Variants in CDH12 observed in about 807,000 individuals in gnomAD.
CDH12 encodes cadherin 12, also known as cadherin-12.
CDH12 carries 41 observed loss-of-function variants against 74.1 expected under a neutral mutation model. That is an observed-to-expected ratio of 0.55 (90% CI 0.43 to 0.72). The LOEUF is 0.72. CDH12 is among the 30% of genes least tolerant of loss of function. The pLI, the probability that CDH12 is intolerant of heterozygous loss-of-function variation, is 0.00. For missense variants in CDH12, 945 were observed against 977.2 expected, an observed-to-expected ratio of 0.97 and a Z score of 0.44; for synonymous variants, 399 against 355.0, an observed-to-expected ratio of 1.12 and a Z score of -1.39.
chr5:22,774,602 C>T (rs1022983712), intron 1 of CDH12, among the ~76,000 whole-genome samples: 1 of 152,062 alleles, frequency 6.6e-6, no homozygotes, highest in Non-Finnish European at 1.5e-5. Flanking sequence ...AAGAGGAGTT[C>T]CCCTGAACAA....
At chr5:21,761,614 A>G (rs1240362045) in intron 12 of CDH12, among the ~76,000 whole-genome samples, 1 of 152,138 alleles carries the variant, frequency 6.6e-6, no homozygotes, top group African/African-American at 2.4e-5. Context: ...TCTTACACTG[A>G]TGCTATTAAA....
chr5:21,851,738 A>G, intron 7 of CDH12, among the ~76,000 whole-genome samples: 1 of 151,486 alleles, frequency 6.6e-6, no homozygotes, highest in South Asian at 2.1e-4. Context: ...ATGAGTTTAT[A>G]CTGTTTAGAA....
At chr5:22,088,074 A>C (rs1333767505) in intron 4 of CDH12, among the ~76,000 whole-genome samples, 1 of 152,204 alleles carries the variant, frequency 6.6e-6, no homozygotes, top group Non-Finnish European at 1.5e-5. Flanking sequence ...TGATAGGTGC[A>C]TTCTGAGAGT....
intron 3 of CDH12, among the ~76,000 whole-genome samples, chr5:22,214,596 G>A (rs1023257393): frequency 7.2e-5 from 11 of 152,132 alleles, no homozygotes; most frequent in Non-Finnish European, 1.3e-4. Flanking sequence ...AAAGCACTCC[G>A]TTTCTCGTAT....
At chr5:21,828,908 C>CTTTTTTTTTTT (rs70957070) in intron 8 of CDH12, among the ~76,000 whole-genome samples, 1 of 119,278 alleles carries the variant, frequency 8.4e-6, no homozygotes, top group African/African-American at 3.4e-5. Flanking sequence ...AATCCTATGT[C>CTTTTTTTTTTT]TTTTTTTTTT....
At chr5:21,768,229 A>G (rs942260299) in intron 11 of CDH12, among the ~76,000 whole-genome samples, 1 of 151,804 alleles carries the variant, frequency 6.6e-6, no homozygotes, top group Non-Finnish European at 1.5e-5. Context: ...TATATTTAAT[A>G]GCTAGTTACT....
At chr5:22,435,799 C>T (rs189857672) in intron 2 of CDH12, among the ~76,000 whole-genome samples, 1 of 152,070 alleles carries the variant, frequency 6.6e-6, no homozygotes, top group African/African-American at 2.4e-5. Flanking sequence ...TCACCTGGCA[C>T]CTCCCAGATC....
rs149507199 is a variant in CDH12 at position 22,096,666 on chromosome 5, G to C, written c.-186-17804C>G. Among the ~76,000 whole-genome samples, 982 of 152,148 alleles carry C rather than the reference G, an allele frequency of 6.5e-3. 13 individuals are homozygous for C. Among genetic ancestry groups the C allele is most frequent in the African/African-American group, 0.023 (950 of 41,498 alleles). On this transcript the variant is annotated intron_variant, in intron 4 of 14. Coordinates refer to ENST00000382254, the MANE Select transcript of CDH12 (RefSeq NM_004061.5). ...AAAGGTGGCTGGAGCTAAAGGCATA[G>C]TTAAGTTTAATGCTCCTTTTTCTTT...
intron 5 of CDH12, among the ~76,000 whole-genome samples, chr5:22,040,498 A>C (rs978310523): frequency 7.9e-5 from 12 of 152,288 alleles, no homozygotes; most frequent in Middle Eastern, 3.4e-3. Context: ...CTTCACTGAG[A>C]CATATTGTAA....
At chr5:22,406,030 A>G (rs1161075596) in intron 2 of CDH12, among the ~76,000 whole-genome samples, 3 of 152,140 alleles carry the variant, frequency 2.0e-5, no homozygotes, top group African/African-American at 7.2e-5. Flanking sequence ...TACGGATGCA[A>G]TTTTTTAAAG....
chr5:21,759,340 CT>C (rs1184338525), intron 13 of CDH12, among the ~76,000 whole-genome samples: 1 of 151,276 alleles, frequency 6.6e-6, no homozygotes, highest in Non-Finnish European at 1.5e-5. Context: ...GAGTTTCATT[CT>C]TTCCTTCCTC....
At chr5:22,333,103 TG>T (rs2150447058) in intron 3 of CDH12, among the ~76,000 whole-genome samples, 1 of 152,226 alleles carries the variant, frequency 6.6e-6, no homozygotes, top group East Asian at 1.9e-4. Flanking sequence ...AAAGAAAATG[TG>T]GTACACATAC....
chr5:22,446,366 C>A (rs899038330), intron 2 of CDH12, among the ~76,000 whole-genome samples: 4 of 152,040 alleles, frequency 2.6e-5, no homozygotes, highest in Non-Finnish European at 5.9e-5. Flanking sequence ...AGTATTTAAC[C>A]AATACACATG....
intron 1 of CDH12, among the ~76,000 whole-genome samples, chr5:22,650,834 T>A (rs1739696304): frequency 6.6e-6 from 1 of 151,768 alleles, no homozygotes; most frequent in Admixed American, 6.6e-5. Context: ...TGCAAGTGGG[T>A]TTACAAGCAG....
intron 10 of CDH12, among the ~76,000 whole-genome samples, chr5:21,793,321 GT>G (rs1280224453): frequency 6.6e-6 from 1 of 151,522 alleles, no homozygotes; most frequent in East Asian, 1.9e-4. Flanking sequence ...TATACAGGGA[GT>G]TTTTTTCAAG....
chr5:22,123,385 G>T (rs1484952276), intron 4 of CDH12, among the ~76,000 whole-genome samples: 1 of 152,154 alleles, frequency 6.6e-6, no homozygotes, highest in Non-Finnish European at 1.5e-5. Context: ...GTTTGCTATA[G>T]CAGTCCCCAA....
At chr5:22,236,525 G>T (rs983414540) in intron 3 of CDH12, among the ~76,000 whole-genome samples, 2 of 151,854 alleles carry the variant, frequency 1.3e-5, no homozygotes, top group Non-Finnish European at 2.9e-5. Context: ...TTAAGGTCAG[G>T]AGTTTAAGAC....
intron 8 of CDH12, among the ~76,000 whole-genome samples, chr5:21,823,772 A>G (rs1412436642): frequency 6.6e-6 from 1 of 152,092 alleles, no homozygotes; most frequent in Non-Finnish European, 1.5e-5. Context: ...AGAAAAAAAA[A>G]TGATGTTGCA....
intron 3 of CDH12, among the ~76,000 whole-genome samples, chr5:22,248,745 T>C (rs1334576036): frequency 6.6e-6 from 1 of 152,192 alleles, no homozygotes; most frequent in Non-Finnish European, 1.5e-5. Context: ...TTCATAGCTG[T>C]ACATTAACTG....
Sources: allele counts gnomAD v4.1 joint callset (sites outside exome capture counted in the v4.1 genomes callset), GRCh38; gene constraint gnomAD v4.1.1; transcripts MANE v1.5; gene names NCBI Gene and HGNC (gene_info 2026-07-23, HGNC 2026-07-21).